Variants in RBFOX1 observed in about 807,000 individuals in gnomAD.
RBFOX1 encodes the protein RNA binding protein fox-1 homolog 1.
In RBFOX1, 8 loss-of-function variants were observed where a neutral mutation model predicts 57.7. The ratio of observed to expected loss-of-function variants is 0.14; its 90% CI spans 0.08 to 0.25. The LOEUF (loss-of-function observed/expected upper bound fraction) is 0.25. Ranked by LOEUF, RBFOX1 falls within the 10% of genes least tolerant of loss-of-function variation. RBFOX1 has a pLI of 1.00. For synonymous variants in RBFOX1, 326 were observed against 222.4 expected (o/e 1.47, Z -4.15); for missense variants, 611 against 548.5 (o/e 1.11, Z -1.14).
intron 3 of RBFOX1, among the ~76,000 whole-genome samples, chr16:6,923,062 A>G (rs1330552657): frequency 6.6e-6 from 1 of 152,216 alleles, no homozygotes; most frequent in South Asian, 2.1e-4. Flanking sequence ...TGTTTATACA[A>G]GAGCTGTTAT....
intron 2 of RBFOX1, among the ~76,000 whole-genome samples, chr16:6,368,084 G>A (rs1041623359): frequency 7.2e-5 from 11 of 152,220 alleles, no homozygotes; most frequent in Middle Eastern, 3.4e-3. Context: ...AGTTGTTTCC[G>A]TCATTTTGTA....
intron 3 of RBFOX1, among the ~76,000 whole-genome samples, chr16:5,680,480 G>A (rs1389890949): frequency 6.6e-6 from 1 of 152,164 alleles, no homozygotes. Context: ...TAAAGACTGA[G>A]ACTCCCAGTG....
intron 3 of RBFOX1, among the ~76,000 whole-genome samples, chr16:6,959,262 G>C (rs1352600682): frequency 6.6e-6 from 1 of 152,100 alleles, no homozygotes; most frequent in East Asian, 1.9e-4. Context: ...GATTTTGTGA[G>C]GCCATGTTTA....
At position 7,602,521 on chromosome 16, in the gene RBFOX1, G is replaced by A. The variant is rs558336375; in HGVS notation, c.623-4764G>A. 5.3e-5 allele frequency among the ~76,000 whole-genome samples: 8 copies of A among 152,276 alleles called. No individual in the cohort carries two copies. The East Asian group carries it at 1.5e-3, about 29-fold the overall frequency. On this transcript the variant is annotated intron_variant, in intron 9 of 15. Transcript: ENST00000550418. Reference sequence around the variant, plus strand: ...CTGGGGACATACACAAACTGCCTAAGAAATTAAAAAGGGGATCATTTTGTT... The same window carrying A: ...CTGGGGACATACACAAACTGCCTAAAAAATTAAAAAGGGGATCATTTTGTT...
intron 3 of RBFOX1, among the ~76,000 whole-genome samples, chr16:5,764,667 A>G (rs80182664): frequency 5.6e-3 from 855 of 152,186 alleles, no homozygotes; most frequent in Non-Finnish European, 9.1e-3. Flanking sequence ...CAGTAAACCA[A>G]CCTGGACTCA....
chr16:5,897,016 C>CT lies in RBFOX1; in HGVS notation c.351+29711dup, dbSNP rs575235024. 8.0e-4 allele frequency among the ~76,000 whole-genome samples: 45 copies of CT among 56,468 alleles called. 6 individuals are homozygous for CT. The highest frequency in any genetic ancestry group is 1.3e-3 in the East Asian group (2 of 1,506). 37.0% of individuals were successfully genotyped at this position (56,468 alleles called of 152,430 possible). On this transcript the variant is annotated intron_variant, in intron 4 of 19. Coordinates refer to the RBFOX1 transcript ENST00000641259. The stretch of plus-strand genomic sequence containing the variant: ...CCCCCACTAAAAATGTATCCATCCG[C>CT]TTTTTTTTTTTTTTTTTTTTTTTTT...
At chr16:6,531,728 G>C (rs1295596395) in intron 2 of RBFOX1, among the ~76,000 whole-genome samples, 1 of 152,028 alleles carries the variant, frequency 6.6e-6, no homozygotes, top group Non-Finnish European at 1.5e-5. Context: ...TCTTAATGGA[G>C]ATTTATAACA....
At chr16:7,547,221 C>T (rs3785253) in intron 5 of RBFOX1, among the ~76,000 whole-genome samples, 138,314 of 152,250 alleles carry the variant, frequency 0.91, 63,475 homozygotes, top group Non-Finnish European at 0.98. Flanking sequence ...CAAAGGTTAA[C>T]GTAGTGTGCA....
intron 3 of RBFOX1, among the ~76,000 whole-genome samples, chr16:6,837,642 A>C (rs1217609514): frequency 6.6e-6 from 1 of 152,060 alleles, no homozygotes; most frequent in Non-Finnish European, 1.5e-5. Context: ...TCTAAGCCTC[A>C]CTCCCTCATT....
intron 3 of RBFOX1, among the ~76,000 whole-genome samples, chr16:6,799,736 C>A (rs945766954): frequency 1.3e-5 from 2 of 152,092 alleles, no homozygotes; most frequent in Non-Finnish European, 2.9e-5. Flanking sequence ...ATACTTCTTG[C>A]CCTTGACCAT....
chr16:6,960,124 C>G (rs138307012), intron 3 of RBFOX1, among the ~76,000 whole-genome samples: 1 of 151,954 alleles, frequency 6.6e-6, no homozygotes. Flanking sequence ...GAAGAAACTC[C>G]CCAGGTCTTG....
intron 1 of RBFOX1, among the ~76,000 whole-genome samples, chr16:6,159,178 G>T (rs1426286937): frequency 6.6e-6 from 1 of 152,186 alleles, no homozygotes; most frequent in Non-Finnish European, 1.5e-5. Context: ...CCAGGTTCAA[G>T]CGACTCTCCT....
At chr16:6,500,891 T>TC (rs1567459693) in intron 2 of RBFOX1, among the ~76,000 whole-genome samples, 1 of 20,532 alleles carries the variant, frequency 4.9e-5, no homozygotes, top group African/African-American at 7.6e-5. Flanking sequence ...TTTTTTTTTT[T>TC]TTTTTTTTTT....
chr16:6,937,495 A>G (rs757710340), intron 3 of RBFOX1, among the ~76,000 whole-genome samples: 8 of 152,284 alleles, frequency 5.3e-5, no homozygotes, highest in Middle Eastern at 3.4e-3. Flanking sequence ...TCTGAGTGAC[A>G]TAGGAGTGAC....
downstream of RBFOX1, among the ~76,000 whole-genome samples, chr16:5,603,437 A>G (rs1057275098): frequency 2.6e-5 from 4 of 152,196 alleles, no homozygotes; most frequent in Non-Finnish European, 4.4e-5. Context: ...GCTGTTTCCC[A>G]TGCTGCATTG....
chr16:7,287,784 A>C (rs1568043280), intron 4 of RBFOX1, among the ~76,000 whole-genome samples: 1 of 152,206 alleles, frequency 6.6e-6, no homozygotes, highest in Non-Finnish European at 1.5e-5. Flanking sequence ...TGGAGAACAC[A>C]AATTAGTTTA....
At chr16:7,451,530 A>C (rs937844074) in intron 4 of RBFOX1, among the ~76,000 whole-genome samples, 1 of 152,072 alleles carries the variant, frequency 6.6e-6, no homozygotes, top group Non-Finnish European at 1.5e-5. Context: ...GCAGTGGTGG[A>C]GGAGATCTCA....
intron 2 of RBFOX1, among the ~76,000 whole-genome samples, chr16:6,360,585 A>C (rs1406985240): frequency 6.6e-6 from 1 of 152,186 alleles, no homozygotes; most frequent in Non-Finnish European, 1.5e-5. Flanking sequence ...ATCCAATATT[A>C]TTATGGAGCT....
Position 7,136,339 on chromosome 16 carries a change from G to A in RBFOX1, c.27+84241G>A, listed in dbSNP as rs1481926385. Among the ~76,000 whole-genome samples the A allele has an allele frequency of 5.9e-5, 9 of 151,304 alleles. No individual in the cohort carries two copies. In the East Asian group the frequency reaches 1.8e-3, roughly 29 times the overall value. ...CTCAAGTGTCCAATGACCCCCCTGT[G>A]ACTAGTAGCTGTCATATTGGAGCCA... is the stretch of plus-strand genomic sequence containing the variant. On this transcript the variant is annotated intron_variant, in intron 4 of 15. Coordinates refer to ENST00000550418, the MANE Select transcript of RBFOX1 (RefSeq NM_018723.4).
Sources: gnomAD v4.1 joint callset for allele counts (sites outside exome capture counted in the v4.1 genomes callset) on GRCh38, gnomAD v4.1.1 for gene constraint, MANE v1.5 for transcripts, NCBI Gene and HGNC (gene_info 2026-07-23, HGNC 2026-07-21) for gene names.